Variants in PRKN observed in about 807,000 individuals in gnomAD.
The protein encoded by PRKN is parkin RBR E3 ubiquitin protein ligase, also known as E3 ubiquitin-protein ligase parkin.
Under a neutral mutation model 59.5 loss-of-function variants are expected in PRKN, and 56 were observed. The ratio of observed to expected loss-of-function variants is 0.94; its 90% CI spans 0.76 to 1.18. PRKN has a LOEUF of 1.18. PRKN is among the 50% of genes most tolerant of loss of function. PRKN has a pLI of 0.00. For synonymous variants in PRKN, 250 were observed against 222.1 expected (o/e 1.13, Z -1.12); for missense variants, 657 against 596.4 (o/e 1.10, Z -1.06).
intron 7 of PRKN, among the ~76,000 whole-genome samples, chr6:161,613,890 C>T (rs1051591084): frequency 4.6e-5 from 7 of 152,242 alleles, no homozygotes; most frequent in African/African-American, 1.4e-4. Flanking sequence ...AGCTCAGCTT[C>T]TCCTCTGCCC....
In PRKN at chr6:161,447,816, A is replaced by G. The variant is rs1418647325; in HGVS notation, c.1084-60939T>C. Among the ~76,000 whole-genome samples the G allele has an allele frequency of 6.6e-6, 1 of 152,142 alleles. No individual in the cohort carries two copies. Among genetic ancestry groups the G allele is most frequent in the East Asian group, 1.9e-4 (1 of 5,182 alleles). ...CCTCCTTTTTCTTTTAAACACATAC[A>G]TACATATATGTAAAAACAAAAGAAA... On this transcript the variant is annotated intron_variant, in intron 9 of 11. Coordinates refer to ENST00000366898, the MANE Select transcript of PRKN (RefSeq NM_004562.3). This position sits in a 1 kb window ranked among gnomAD's most constrained non-coding sequence, Gnocchi z 4.1.
At position 161,823,912 on chromosome 6, in the gene PRKN, G is replaced by A. The variant is rs1211819679; in HGVS notation, c.735-38004C>T. Among the ~76,000 whole-genome samples the A allele has an allele frequency of 2.6e-5, 4 of 152,172 alleles. No homozygotes were observed. In the South Asian group the frequency reaches 8.3e-4, roughly 32 times the overall value. ...TTTTCACAGCTGTTGCTTAGGACAG[G>A]TGCCCCTTTCCACTCCAGCACTGCC... On this transcript the variant is annotated intron_variant, in intron 6 of 11. Coordinates refer to ENST00000366898, the MANE Select transcript of PRKN (RefSeq NM_004562.3).
chr6:161,954,763 T>C (rs1462636483), intron 6 of PRKN, among the ~76,000 whole-genome samples: 1 of 152,192 alleles, frequency 6.6e-6, no homozygotes, highest in Non-Finnish European at 1.5e-5. Context: ...AGTTTGTTGG[T>C]TCTGGAAAAT....
chr6:162,072,469 G>A (rs1400902140), intron 4 of PRKN, among the ~76,000 whole-genome samples: 2 of 152,120 alleles, frequency 1.3e-5, no homozygotes, highest in African/African-American at 4.8e-5. Flanking sequence ...AATTCCACAA[G>A]CCCTGAGCCT....
intron 1 of PRKN, among the ~76,000 whole-genome samples, chr6:162,475,810 G>A (rs1791982578): frequency 6.6e-6 from 1 of 152,236 alleles, no homozygotes; most frequent in Admixed American, 6.5e-5. Flanking sequence ...TCACTGCAGT[G>A]GCGCAATCTC....
intron 1 of PRKN, among the ~76,000 whole-genome samples, chr6:162,599,657 G>A (rs1300590726): frequency 2.6e-5 from 4 of 152,154 alleles, no homozygotes; most frequent in Admixed American, 1.3e-4. Context: ...AAGTGAAAAC[G>A]TCAGGGTACA....
At chr6:161,805,604 C>A (rs1791284648) in intron 6 of PRKN, among the ~76,000 whole-genome samples, 1 of 152,170 alleles carries the variant, frequency 6.6e-6, no homozygotes, top group Non-Finnish European at 1.5e-5. Context: ...CAGCGCAGGC[C>A]CTCCGATGGC....
intron 1 of PRKN, among the ~76,000 whole-genome samples, chr6:162,670,821 C>CAA (rs758367441): frequency 5.9e-5 from 9 of 152,112 alleles, no homozygotes; most frequent in Non-Finnish European, 1.3e-4. Flanking sequence ...ATCACTGAAG[C>CAA]AATTGGTTGA....
intron 2 of PRKN, among the ~76,000 whole-genome samples, chr6:162,422,245 T>C (rs1031544421): frequency 6.6e-6 from 1 of 152,206 alleles, no homozygotes; most frequent in Non-Finnish European, 1.5e-5. Flanking sequence ...AAAGAAGGGC[T>C]ACTTAATAAT....
intron 8 of PRKN, among the ~76,000 whole-genome samples, chr6:161,555,907 C>T (rs1583224014): frequency 6.6e-6 from 1 of 152,294 alleles, no homozygotes; most frequent in South Asian, 2.1e-4. Context: ...AACAGTAACT[C>T]AGGATTATTT....
At chr6:162,270,967 G>T (rs2128103080) in intron 2 of PRKN, among the ~76,000 whole-genome samples, 1 of 149,886 alleles carries the variant, frequency 6.7e-6, no homozygotes, top group East Asian at 2.0e-4. Flanking sequence ...GCAGCCTCCT[G>T]AGTTGCTGAG....
At chr6:162,459,237 T>C (rs1413642724) in intron 1 of PRKN, among the ~76,000 whole-genome samples, 1 of 152,186 alleles carries the variant, frequency 6.6e-6, no homozygotes. Context: ...ACATGCAATC[T>C]GCTTGGAAGA....
rs148949697 is a variant in PRKN, at chr6:161,708,343, A to G, written c.871+77429T>C. Among the ~76,000 whole-genome samples, 994 of 152,208 alleles carry G rather than the reference A, an allele frequency of 6.5e-3. 7 individuals are homozygous for G. The highest frequency in any genetic ancestry group is 7.2e-3 in the Non-Finnish European group (488 of 68,012). The stretch of plus-strand genomic sequence containing the variant: ...TTCTTTTATGGAATTATAAAACTTT[A>G]ATGTGAATTTAAACATCCAAAATAT... On this transcript the variant is annotated intron_variant, in intron 7 of 11. Transcript: ENST00000366898.
At chr6:162,450,399 G>A (rs959291428) in intron 1 of PRKN, among the ~76,000 whole-genome samples, 3 of 126,350 alleles carry the variant, frequency 2.4e-5, no homozygotes, top group African/African-American at 8.3e-5. Flanking sequence ...GAATGTAAAC[G>A]CCCCTATGAT....
At chr6:161,489,779 T>C (rs1777481018) in intron 9 of PRKN, among the ~76,000 whole-genome samples, 1 of 152,176 alleles carries the variant, frequency 6.6e-6, no homozygotes, top group South Asian at 2.1e-4. Flanking sequence ...AGGTGAAGGA[T>C]GACATTGTTT....
At chr6:161,863,251 A>C (rs1057317163) in intron 6 of PRKN, among the ~76,000 whole-genome samples, 2 of 152,120 alleles carry the variant, frequency 1.3e-5, no homozygotes, top group African/African-American at 4.8e-5. Flanking sequence ...TGCCACTTTG[A>C]CACAGACCTC....
intron 3 of PRKN, among the ~76,000 whole-genome samples, chr6:162,208,421 G>T (rs1785049997): frequency 6.6e-6 from 1 of 152,168 alleles, no homozygotes; most frequent in Non-Finnish European, 1.5e-5. Flanking sequence ...TCAAATTTTT[G>T]CTGGGGTTTT....
At chr6:162,296,908 A>G (rs1781700172) in intron 2 of PRKN, among the ~76,000 whole-genome samples, 1 of 152,112 alleles carries the variant, frequency 6.6e-6, no homozygotes, top group Admixed American at 6.6e-5. Flanking sequence ...ATTCTAATCC[A>G]TTTTTAAAAA....
chr6:162,589,452 GA>G lies in PRKN; in HGVS notation c.7+138209del, dbSNP rs768899710. Among the ~76,000 whole-genome samples the G allele has an allele frequency of 5.1e-4, 78 of 152,142 alleles. 1 individual carries two copies. The highest frequency in any genetic ancestry group is 9.7e-4 in the Non-Finnish European group (66 of 68,014). ...TTTTCTTCCTCATTCACACTTCTGG[GA>G]AAAGAAAGGATAGTGACTGTATGTT... On this transcript the variant is annotated intron_variant, in intron 1 of 11. Coordinates refer to ENST00000366898, the MANE Select transcript of PRKN (RefSeq NM_004562.3).
Sources: allele counts gnomAD v4.1 joint callset (sites outside exome capture counted in the v4.1 genomes callset), GRCh38; gene constraint gnomAD v4.1.1; non-coding constraint Gnocchi (gnomAD v3.1); transcripts MANE v1.5; gene names NCBI Gene and HGNC (gene_info 2026-07-23, HGNC 2026-07-21).